Variants in PRKCE observed in about 807,000 individuals in gnomAD.
The protein encoded by PRKCE is protein kinase C epsilon, also known as protein kinase C epsilon type.
PRKCE carries 16 observed loss-of-function variants against 85.4 expected under a neutral mutation model. That is an observed-to-expected ratio of 0.19 (90% CI 0.13 to 0.28). The LOEUF (loss-of-function observed/expected upper bound fraction) is 0.28, where lower values mean the gene tolerates loss of function less well. Among genes scored for constraint, PRKCE ranks in the 10% least tolerant of loss-of-function variants. The pLI is 1.00. For missense variants in PRKCE, 573 were observed against 975.2 expected (o/e 0.59, Z 5.49); for synonymous variants, 388 against 371.5 (o/e 1.04, Z -0.51).
In PRKCE at chr2:45,652,057, C is replaced by T. The variant is rs1205442794; in HGVS notation, c.-44C>T. On this transcript the variant is annotated 5_prime_UTR_variant, in exon 1 of 15. Transcript: ENST00000306156. The surrounding 1 kb of genome is among the most constrained non-coding windows in gnomAD (Gnocchi z 7.7). ...GCCGTCGGTTCTTCATTCCTGCCCT[C>T]GGGGCAGACGGAGTGACCCCGGCCC... The T allele has an allele frequency of 1.4e-6, 2 of 1,451,692 alleles. No homozygotes were observed. Among genetic ancestry groups the T allele is most frequent in the African/African-American group, 1.4e-5 (1 of 70,338 alleles). 89.9% of individuals were successfully genotyped at this position (1,451,692 alleles called of 1,614,324 possible). A position where few individuals can be genotyped will look rare whatever the true frequency, so the allele number is the denominator to read the frequency against.
chr2:45,980,192 G>T, intron 4 of PRKCE, 104 bp from the exon 5 acceptor site: 1 of 1,021,164 alleles, frequency 9.8e-7, no homozygotes, highest in Non-Finnish European at 1.5e-6. Context: ...AGTGGCAGAA[G>T]GGGCCTGGCT....
chr2:45,712,702 C>G (rs575384845), intron 1 of PRKCE, among the ~76,000 whole-genome samples: 3 of 152,230 alleles, frequency 2.0e-5, no homozygotes, highest in African/African-American at 4.8e-5. Context: ...TTTTTTCCAT[C>G]CAGCTCAAGT....
At chr2:45,885,714 T>TG (rs1032767332) in intron 2 of PRKCE, among the ~76,000 whole-genome samples, 5 of 152,176 alleles carry the variant, frequency 3.3e-5, no homozygotes, top group Admixed American at 3.3e-4. Context: ...AAGTGAATTT[T>TG]GGGGGTTAGG....
intron 6 of PRKCE, among the ~76,000 whole-genome samples, chr2:45,985,869 AC>A (rs1447415784): frequency 1.3e-5 from 2 of 152,238 alleles, no homozygotes; most frequent in Non-Finnish European, 2.9e-5. Flanking sequence ...CACCTGTTGG[AC>A]ATTCTCACTG....
chr2:45,914,451 G>T (rs936032747), intron 2 of PRKCE, among the ~76,000 whole-genome samples: 2 of 152,192 alleles, frequency 1.3e-5, no homozygotes, highest in Non-Finnish European at 2.9e-5. Flanking sequence ...TGTAGATCTA[G>T]ATTTAGGAAT....
chr2:45,732,591 A>T (rs748062134), intron 1 of PRKCE, among the ~76,000 whole-genome samples: 2 of 152,182 alleles, frequency 1.3e-5, no homozygotes, highest in African/African-American at 2.4e-5. Context: ...AACAATAATC[A>T]TTATAATATC....
intron 11 of PRKCE, among the ~76,000 whole-genome samples, chr2:46,093,877 A>G (rs1670425762): frequency 1.3e-5 from 2 of 152,168 alleles, no homozygotes; most frequent in African/African-American, 2.4e-5. Flanking sequence ...AAATGAATAT[A>G]TAGTATACAT....
intron 10 of PRKCE, among the ~76,000 whole-genome samples, chr2:46,016,656 C>T (rs1706177254): frequency 6.6e-6 from 1 of 152,042 alleles, no homozygotes; most frequent in Non-Finnish European, 1.5e-5. Context: ...TGCCTGTAAC[C>T]CCAGCACTTT....
chr2:46,173,022 T>C (rs1007589342), intron 14 of PRKCE, among the ~76,000 whole-genome samples: 8 of 152,218 alleles, frequency 5.3e-5, no homozygotes, highest in African/African-American at 1.7e-4. Flanking sequence ...ACAAACACAG[T>C]ACACTGTTCT....
chr2:45,729,555 C>T (rs538563721), intron 1 of PRKCE, among the ~76,000 whole-genome samples: 2 of 152,248 alleles, frequency 1.3e-5, no homozygotes, highest in East Asian at 1.9e-4. Flanking sequence ...TTTTAGGCCC[C>T]AGTGAGGCTG....
chr2:45,949,915 A>T (rs564677893), intron 2 of PRKCE, among the ~76,000 whole-genome samples: 2 of 151,282 alleles, frequency 1.3e-5, no homozygotes, highest in Non-Finnish European at 2.9e-5. Flanking sequence ...ACTCAGTCCA[A>T]ATATTCTTTA....
intron 2 of PRKCE, chr2:45,851,629 A>G (rs1692265875): frequency 1.3e-5 from 2 of 152,138 alleles, no homozygotes; most frequent in Non-Finnish European, 2.9e-5. Flanking sequence ...TTTTTTTATT[A>G]CTTAGAAATT....
At chr2:46,043,398 A>G (rs944365901) in intron 10 of PRKCE, among the ~76,000 whole-genome samples, 1 of 152,234 alleles carries the variant, frequency 6.6e-6, no homozygotes, top group Non-Finnish European at 1.5e-5. Flanking sequence ...AGTCACACAT[A>G]CAGTAACTAT....
At chr2:45,952,901 G>A (rs182181132) in intron 2 of PRKCE, among the ~76,000 whole-genome samples, 1 of 152,278 alleles carries the variant, frequency 6.6e-6, no homozygotes, top group East Asian at 1.9e-4. Context: ...ACGAAACACA[G>A]CAGCCAAATA....
intron 2 of PRKCE, among the ~76,000 whole-genome samples, chr2:45,873,799 T>C (rs1307719330): frequency 6.6e-6 from 1 of 152,182 alleles, no homozygotes; most frequent in Non-Finnish European, 1.5e-5. Context: ...CAACCTGTCT[T>C]AAAGTGTGAG....
chr2:45,714,732 C>A (rs1679947776), intron 1 of PRKCE, among the ~76,000 whole-genome samples: 1 of 152,138 alleles, frequency 6.6e-6, no homozygotes, highest in Non-Finnish European at 1.5e-5. Context: ...GTGTAACTCA[C>A]TGGGTGTCTT....
At chr2:45,674,568 C>G (rs1262777251) in intron 1 of PRKCE, 1 of 152,166 alleles carries the variant, frequency 6.6e-6, no homozygotes, top group Non-Finnish European at 1.5e-5. Context: ...TCTAGATTAC[C>G]TCACTTTGGA....
intron 1 of PRKCE, among the ~76,000 whole-genome samples, chr2:45,733,754 A>G (rs1316459058): frequency 6.6e-6 from 1 of 152,108 alleles, no homozygotes; most frequent in Admixed American, 6.5e-5. Flanking sequence ...GTCGTGTAGT[A>G]GGAAGCGCTC....
chr2:45,854,570 G>A (rs1224883128), intron 2 of PRKCE, among the ~76,000 whole-genome samples: 5 of 152,204 alleles, frequency 3.3e-5, no homozygotes, highest in Admixed American at 1.3e-4. Flanking sequence ...TAAACAAATC[G>A]TTGGGTATTT....
Sources: allele counts gnomAD v4.1 joint callset (sites outside exome capture counted in the v4.1 genomes callset), GRCh38; gene constraint gnomAD v4.1.1; non-coding constraint Gnocchi (gnomAD v3.1); transcripts MANE v1.5; gene names NCBI Gene and HGNC (gene_info 2026-07-23, HGNC 2026-07-21).